SEMA3D: variants seen among roughly 807,000 people sequenced by gnomAD.
The protein encoded by SEMA3D is semaphorin 3D.
A neutral mutation model predicts 100.1 loss-of-function variants in SEMA3D; 84 were observed. The observed-to-expected ratio is 0.84, with a 90% confidence interval of 0.70 to 1.01. SEMA3D has a LOEUF of 1.01. Among genes scored for constraint, SEMA3D ranks in the 50% least tolerant of loss-of-function variants. The pLI, the probability that SEMA3D is intolerant of heterozygous loss-of-function variation, is 0.00. For synonymous variants in SEMA3D, 312 were observed against 320.7 expected, an observed-to-expected ratio of 0.97 and a Z score of 0.29; for missense variants, 875 against 934.1, an observed-to-expected ratio of 0.94 and a Z score of 0.82.
intron 3 of SEMA3D, among the ~76,000 whole-genome samples, chr7:85,109,465 A>G (rs1223252432): frequency 6.6e-6 from 1 of 151,914 alleles, no homozygotes; most frequent in Non-Finnish European, 1.5e-5. Context: ...TCACCACTCC[A>G]TCGGGATTAC....
the SEMA3D span, among the ~76,000 whole-genome samples, chr7:85,210,969 A>G: frequency 1.3e-5 from 2 of 152,066 alleles, no homozygotes; most frequent in African/African-American, 4.8e-5. Flanking sequence ...AATATTGTAG[A>G]TGCTGGAGAG....
At chr7:85,019,328 G>C (rs1317514859) in intron 14 of SEMA3D, among the ~76,000 whole-genome samples, 1 of 151,636 alleles carries the variant, frequency 6.6e-6, no homozygotes, top group Admixed American at 6.6e-5. Context: ...ACTTATGTTT[G>C]ACATCTGGCC....
chr7:85,017,168 T>C (rs1790128059), intron 15 of SEMA3D, among the ~76,000 whole-genome samples: 1 of 151,646 alleles, frequency 6.6e-6, no homozygotes, highest in African/African-American at 2.4e-5. Context: ...TCCATTCCAT[T>C]CTCCTTTTAA....
the SEMA3D span, among the ~76,000 whole-genome samples, chr7:85,237,983 C>T: frequency 6.6e-6 from 1 of 152,148 alleles, no homozygotes; most frequent in Non-Finnish European, 1.5e-5. Flanking sequence ...TAGTGGGATA[C>T]CAGTACTGTT....
At chr7:85,141,474 A>C (rs1241082880) in intron 2 of SEMA3D, 2 of 984,950 alleles carry the variant, frequency 2.0e-6, no homozygotes, top group African/African-American at 1.7e-5. Context: ...CTCCACTGGA[A>C]GAAGGACATG....
intron 3 of SEMA3D, among the ~76,000 whole-genome samples, chr7:85,101,476 C>T (rs138303335): frequency 8.0e-4 from 121 of 152,070 alleles, no homozygotes; most frequent in African/African-American, 2.8e-3. Flanking sequence ...AACTCACTGG[C>T]TATGCAATCT....
At chr7:85,068,404 A>G in intron 6 of SEMA3D, 120 bp from the exon 7 acceptor site, 2 of 631,326 alleles carry the variant, frequency 3.2e-6, no homozygotes, top group East Asian at 2.8e-5. Context: ...AGCATATAGC[A>G]TGTGCATAAT....
intron 3 of SEMA3D, among the ~76,000 whole-genome samples, chr7:85,109,278 CAGAA>C (rs772656240): frequency 3.9e-5 from 6 of 151,988 alleles, no homozygotes; most frequent in Non-Finnish European, 8.8e-5. Context: ...GTTCATGTGA[CAGAA>C]AGAGCTCAAA....
rs144672767 is a variant in SEMA3D at position 85,146,168 on chromosome 7, A to G, written c.-41+7440T>C. 3.9e-3 allele frequency among the ~76,000 whole-genome samples: 594 copies of G among 152,302 alleles called. 5 individuals carry two copies. Among genetic ancestry groups the G allele is most frequent in the African/African-American group, 0.014 (573 of 41,570 alleles). ...CTTATCCAATCGACTTTATATTTGT[A>G]TGACATCTTACAGTTCTTTAATGAG... On this transcript the variant is annotated intron_variant, in intron 2 of 18. Transcript: ENST00000284136.
chr7:84,999,762 G>C lies in SEMA3D; in HGVS notation c.2012C>G (p.Thr671Ser), dbSNP rs752355778. Residue 671 changes from threonine to serine, a missense_variant, in exon 19 of 19, where the codon ACT becomes AGT. By Grantham distance (58) the Thr-to-Ser change is moderately conservative. Transcript: ENST00000284136. ...CAGCTTCACTATGGTGTGGATGAAA[G>C]TGTGCTCCTGGGCTTTGCAGTAATA... The part of the protein sequence containing the change: ...GMYYCKAQEH[T>S]FIHTIVKLTL... The C allele has an allele frequency of 1.9e-6, 3 of 1,614,044 alleles. No homozygotes were observed. The Admixed American group carries it at 5.0e-5, about 27-fold the overall frequency.
chr7:85,095,344 G>T (rs1448109671), intron 4 of SEMA3D, among the ~76,000 whole-genome samples: 2 of 151,468 alleles, frequency 1.3e-5, no homozygotes, highest in African/African-American at 4.9e-5. Context: ...AAACCTCCAA[G>T]TTCACATATA....
chr7:85,170,214 CTA>C (rs1469297409), intron 1 of SEMA3D, among the ~76,000 whole-genome samples: 3 of 151,766 alleles, frequency 2.0e-5, no homozygotes, highest in Non-Finnish European at 1.5e-5. Flanking sequence ...CCATTGGTTT[CTA>C]TTTCTAGTTC....
chr7:85,094,255 T>A (rs1440069332), intron 4 of SEMA3D, among the ~76,000 whole-genome samples: 1 of 151,984 alleles, frequency 6.6e-6, no homozygotes, highest in Non-Finnish European at 1.5e-5. Flanking sequence ...CTAAGAAGCC[T>A]GGAGTTTATT....
intron 1 of SEMA3D, among the ~76,000 whole-genome samples, chr7:85,161,658 G>T (rs529167855): frequency 6.6e-6 from 1 of 152,152 alleles, no homozygotes; most frequent in African/African-American, 2.4e-5. Context: ...CAATTCTTAG[G>T]TGGGACTTAC....
At chr7:85,117,778 A>C (rs1789285732) in intron 3 of SEMA3D, among the ~76,000 whole-genome samples, 1 of 146,860 alleles carries the variant, frequency 6.8e-6, no homozygotes, top group East Asian at 1.9e-4. Flanking sequence ...GTATGTATGT[A>C]TGTATGTATG....
At chr7:85,213,021 A>G in the SEMA3D span, among the ~76,000 whole-genome samples, 1 of 152,042 alleles carries the variant, frequency 6.6e-6, no homozygotes, top group Non-Finnish European at 1.5e-5. Context: ...TTTATAAATT[A>G]TCAGTTTATA....
At chr7:85,126,209 T>G (rs1433531869) in intron 2 of SEMA3D, among the ~76,000 whole-genome samples, 1 of 152,140 alleles carries the variant, frequency 6.6e-6, no homozygotes, top group Non-Finnish European at 1.5e-5. Context: ...ACATGTGAAC[T>G]TCATTGATTT....
intron 1 of SEMA3D, chr7:85,181,878 G>T: frequency 3.4e-6 from 1 of 295,314 alleles, no homozygotes; most frequent in Non-Finnish European, 5.0e-6. Flanking sequence ...ATGATGGATT[G>T]AAAATCATCA....
At chr7:85,212,241 G>T in the SEMA3D span, among the ~76,000 whole-genome samples, 1 of 152,094 alleles carries the variant, frequency 6.6e-6, no homozygotes, top group African/African-American at 2.4e-5. Flanking sequence ...TATAGGGAGG[G>T]CACCTCTCAA....
Sources: allele counts gnomAD v4.1 joint callset (sites outside exome capture counted in the v4.1 genomes callset), GRCh38; gene constraint gnomAD v4.1.1; transcripts MANE v1.5; gene names NCBI Gene and HGNC (gene_info 2026-07-23, HGNC 2026-07-21).